VPS8: variants seen among roughly 807,000 people sequenced by gnomAD.
VPS8 encodes VPS8 subunit of CORVET complex, also known as vacuolar protein sorting-associated protein 8 homolog.
VPS8 carries 129 observed loss-of-function variants against 216.4 expected under a neutral mutation model. The observed-to-expected ratio is 0.60, with a 90% CI of 0.52 to 0.69. The LOEUF is 0.69. Among genes scored for constraint, VPS8 ranks in the 30% least tolerant of loss-of-function variants. VPS8 has a pLI of 0.00. For synonymous variants in VPS8, 571 were observed against 565.4 expected (o/e 1.01, Z -0.14); for missense variants, 1,531 against 1,683.5 (o/e 0.91, Z 1.59).
At chr3:184,852,677 A>G in intron 11 of VPS8, 110 bp downstream of exon 11, 1 of 986,410 alleles carries the variant, frequency 1.0e-6, no homozygotes, top group Non-Finnish European at 1.5e-6. Flanking sequence ...AGAGTAGATT[A>G]TGACTGTGTA....
intron 21 of VPS8, among the ~76,000 whole-genome samples, chr3:184,871,118 T>G (rs1490648753): frequency 4.6e-5 from 7 of 152,080 alleles, no homozygotes; most frequent in Non-Finnish European, 8.8e-5. Flanking sequence ...CTAATATTTA[T>G]GTTAACCAGG....
chr3:184,904,865 T>A (rs917667270), intron 25 of VPS8, among the ~76,000 whole-genome samples: 4 of 152,194 alleles, frequency 2.6e-5, no homozygotes, highest in Non-Finnish European at 5.9e-5. Flanking sequence ...AATTATTAGT[T>A]GTTTTGCTCT....
chr3:184,983,393 T>G (rs1750534183), intron 42 of VPS8, among the ~76,000 whole-genome samples: 1 of 152,206 alleles, frequency 6.6e-6, no homozygotes, highest in Non-Finnish European at 1.5e-5. Context: ...GTTTGCTAAC[T>G]GGGAGGGAGT....
At chr3:184,957,270 A>C in intron 36 of VPS8, 104 bp from the exon 37 acceptor site, 1 of 1,146,384 alleles carries the variant, frequency 8.7e-7, no homozygotes, top group Non-Finnish European at 1.2e-6. Context: ...ACCAGCAGGT[A>C]GTCCTAGTTT....
intron 25 of VPS8, among the ~76,000 whole-genome samples, chr3:184,910,736 C>T (rs1424090401): frequency 6.6e-6 from 1 of 152,168 alleles, no homozygotes; most frequent in Non-Finnish European, 1.5e-5. Context: ...GGTTAGGGGC[C>T]TTTCCATGCC....
At chr3:184,862,675 A>G (rs539765107) in intron 15 of VPS8, among the ~76,000 whole-genome samples, 2 of 152,316 alleles carry the variant, frequency 1.3e-5, no homozygotes, top group South Asian at 4.1e-4. Flanking sequence ...CTTTTACACT[A>G]TGAAAGTGTC....
chr3:185,047,919 T>C (rs1179229526), intron 46 of VPS8, among the ~76,000 whole-genome samples: 1 of 152,086 alleles, frequency 6.6e-6, no homozygotes, highest in African/African-American at 2.4e-5. Context: ...AGAACCGCAG[T>C]TTGGCAGGTC....
At chr3:184,968,318 T>C (rs932205176) in intron 39 of VPS8, among the ~76,000 whole-genome samples, 1 of 152,224 alleles carries the variant, frequency 6.6e-6, no homozygotes, top group Non-Finnish European at 1.5e-5. Flanking sequence ...ACTTTTTGTC[T>C]ATTATGACTA....
intron 21 of VPS8, among the ~76,000 whole-genome samples, chr3:184,873,055 G>A (rs1728638602): frequency 6.6e-6 from 1 of 152,104 alleles, no homozygotes; most frequent in East Asian, 1.9e-4. Context: ...ACAAAATAGG[G>A]ATTTTTAACA....
At chr3:184,862,857 T>A (rs780917930) in intron 15 of VPS8, 40 bp from the exon 16 acceptor site, 1 of 1,589,166 alleles carries the variant, frequency 6.3e-7, no homozygotes, top group Non-Finnish European at 8.6e-7. Flanking sequence ...ATGAAGCGGG[T>A]GTGGTCTCAC....
intron 8 of VPS8, among the ~76,000 whole-genome samples, chr3:184,843,510 TTTTC>T (rs895846866): frequency 6.6e-6 from 1 of 152,184 alleles, no homozygotes; most frequent in Admixed American, 6.5e-5. Flanking sequence ...GTCCCAAACC[TTTTC>T]TTTGAGTTTG....
rs2108738709 is a variant in VPS8 at position 184,862,914 on chromosome 3, A to G, written c.1242A>G (p.Thr414=). 6.2e-7 allele frequency: 1 copy of G among 1,612,532 alleles called. No homozygotes were observed. The highest frequency in any genetic ancestry group is 2.2e-5 in the East Asian group (1 of 44,804). Residue 414 remains threonine (T), a synonymous_variant, in exon 16 of 48, where the codon ACA becomes ACG. Coordinates refer to ENST00000625842, the MANE Select transcript of VPS8 (RefSeq NM_001009921.3). ...LINFTWINSR[T]VVLLDSVEKL... ...AATTACAGTGGATAAATTCACGCAC[A>G]GTTGTGCTCTTAGACAGCGTAGAGA... is the stretch of plus-strand genomic sequence containing the variant.
At chr3:185,015,405 G>A (rs1347887692) in intron 45 of VPS8, among the ~76,000 whole-genome samples, 2 of 152,256 alleles carry the variant, frequency 1.3e-5, no homozygotes, top group East Asian at 3.8e-4. Context: ...AATTAACTGT[G>A]TGGAATGAAC....
chr3:184,965,405 T>C (rs950165754), intron 38 of VPS8, among the ~76,000 whole-genome samples: 19 of 152,184 alleles, frequency 1.2e-4, no homozygotes, highest in African/African-American at 4.3e-4. Context: ...AAGGAATAAA[T>C]AAGAGTATTT....
chr3:184,944,079 G>T (rs987869946), intron 36 of VPS8, among the ~76,000 whole-genome samples: 3 of 152,132 alleles, frequency 2.0e-5, no homozygotes, highest in African/African-American at 7.2e-5. Flanking sequence ...ACATTTACAA[G>T]TATCAAGTTG....
At chr3:184,899,161 T>A (rs1052185956) in intron 24 of VPS8, among the ~76,000 whole-genome samples, 1 of 152,244 alleles carries the variant, frequency 6.6e-6, no homozygotes, top group African/African-American at 2.4e-5. Context: ...TTTTTTATTC[T>A]GCTTACCAAG....
At chr3:185,036,552 T>G (rs1577242948) in intron 46 of VPS8, among the ~76,000 whole-genome samples, 1 of 151,828 alleles carries the variant, frequency 6.6e-6, no homozygotes. Flanking sequence ...ATCTTTTTGA[T>G]GAAGTCTTTA....
At chr3:184,868,594 A>T (rs1329331484) in intron 18 of VPS8, among the ~76,000 whole-genome samples, 1 of 152,222 alleles carries the variant, frequency 6.6e-6, no homozygotes, top group Non-Finnish European at 1.5e-5. Context: ...TAGTCTTAGA[A>T]ATATCCTTCA....
chr3:184,924,762 C>T (rs1342957488), intron 29 of VPS8, 100 bp from the exon 30 acceptor site: 50 of 1,395,608 alleles, frequency 3.6e-5, no homozygotes, highest in African/African-American at 4.4e-5. Flanking sequence ...TCTTTTTACG[C>T]GTCTTCAGTC....
Sources: allele counts gnomAD v4.1 joint callset (sites outside exome capture counted in the v4.1 genomes callset), GRCh38; gene constraint gnomAD v4.1.1; transcripts MANE v1.5; gene names NCBI Gene and HGNC (gene_info 2026-07-23, HGNC 2026-07-21).